The following PWWP2A variants were observed in gnomAD, a reference collection of about 807,000 sequenced individuals.
PWWP2A encodes PWWP domain-containing protein 2A.
A neutral mutation model predicts 48.5 loss-of-function variants in PWWP2A; 18 were observed. The ratio of observed to expected loss-of-function variants is 0.37; its 90% CI spans 0.26 to 0.55. The LOEUF is 0.55. Ranked by LOEUF, PWWP2A falls within the 20% of genes least tolerant of loss-of-function variation. The pLI, the probability that PWWP2A is intolerant of heterozygous loss-of-function variation, is 0.81. For missense variants in PWWP2A, 867 were observed against 976.4 expected (o/e 0.89, Z 1.49); for synonymous variants, 396 against 387.7 (o/e 1.02, Z -0.25).
Position 160,093,310 on chromosome 5 carries a change from G to C in PWWP2A, c.1340C>G (p.Ser447Cys). Residue 447 changes from serine (S) to cysteine (C), a missense_variant, in exon 2 of 2, where the codon TCT (serine) becomes TGT (cysteine). This residue lies in a region of PWWP2A where 382 missense variants were observed against 407.2 expected (regional missense o/e 0.94). Transcript: ENST00000307063. This position sits in a 1 kb window ranked among gnomAD's most constrained non-coding sequence, Gnocchi z 5.8. ...TTTTGAATGTGCATTTTTGGAAGTA[G>C]AGGTTTCATTTTGCTTCTTTTGTGC... ...EKAQKKQNET[S>C]TSKNAHSKVH... 6.2e-7 allele frequency: 1 copy of C among 1,613,892 alleles called. No homozygotes were observed. Among genetic ancestry groups the C allele is most frequent in the Non-Finnish European group, 8.5e-7 (1 of 1,179,832 alleles).
intron 1 of PWWP2A, among the ~76,000 whole-genome samples, chr5:160,106,944 C>T (rs1263997129): frequency 6.6e-6 from 1 of 151,724 alleles, no homozygotes; most frequent in Non-Finnish European, 1.5e-5. Context: ...ATGTCTCAGC[C>T]TCCCAAGTAG....
chr5:160,082,783 C>T (rs1239502429), intron 2 of PWWP2A, among the ~76,000 whole-genome samples: 2 of 152,044 alleles, frequency 1.3e-5, no homozygotes, highest in Admixed American at 1.3e-4. Flanking sequence ...GCCAGGAGAC[C>T]CAGCTGTGAT....
downstream of PWWP2A, chr5:160,090,180 T>C (rs900002743): frequency 4.1e-6 from 4 of 985,042 alleles, no homozygotes; most frequent in Non-Finnish European, 4.8e-6. Context: ...GTTTTTTTTT[T>C]CTTCTCTTTC....
At chr5:160,116,426 A>T (rs968857294) in intron 1 of PWWP2A, among the ~76,000 whole-genome samples, 1 of 152,174 alleles carries the variant, frequency 6.6e-6, no homozygotes, top group African/African-American at 2.4e-5. Flanking sequence ...ACTGCACTCC[A>T]GCCTGTGCGG....
chr5:160,100,103 C>A (rs554344381), intron 1 of PWWP2A, among the ~76,000 whole-genome samples: 1 of 151,616 alleles, frequency 6.6e-6, no homozygotes, highest in South Asian at 2.1e-4. Flanking sequence ...GAGTTCGAGA[C>A]CAGCCTGGCT....
intron 2 of PWWP2A, among the ~76,000 whole-genome samples, chr5:160,070,306 C>CA (rs760169229): frequency 1.6e-4 from 25 of 151,904 alleles, no homozygotes; most frequent in Non-Finnish European, 2.6e-4. Flanking sequence ...CCATCTCTAC[C>CA]AAAAAATGTT....
At chr5:160,110,663 G>A (rs1019721909) in intron 1 of PWWP2A, among the ~76,000 whole-genome samples, 1 of 151,942 alleles carries the variant, frequency 6.6e-6, no homozygotes, top group African/African-American at 2.4e-5. Flanking sequence ...CCGACATCAT[G>A]CCATTGCACT....
At chr5:160,081,928 A>G (rs1348594563) in intron 2 of PWWP2A, among the ~76,000 whole-genome samples, 2 of 152,364 alleles carry the variant, frequency 1.3e-5, no homozygotes, top group Non-Finnish European at 2.9e-5. Context: ...GCAGCAGTAT[A>G]TAATGAAAAC....
chr5:160,066,744 T>C (rs1039666045), intron 3 of PWWP2A: 2 of 152,138 alleles, frequency 1.3e-5, no homozygotes, highest in African/African-American at 4.8e-5. Context: ...CTATAAATAC[T>C]TTTATGTCAG....
At chr5:160,094,104 T>A in intron 1 of PWWP2A, 39 bp from the exon 2 acceptor site, 1 of 1,514,340 alleles carries the variant, frequency 6.6e-7, no homozygotes, top group African/African-American at 1.4e-5. Context: ...GACATTAAGT[T>A]AACATCTATA....
At chr5:160,117,619 T>C (rs1758275159) in intron 1 of PWWP2A, among the ~76,000 whole-genome samples, 1 of 150,654 alleles carries the variant, frequency 6.6e-6, no homozygotes, top group Non-Finnish European at 1.5e-5. Context: ...ATGGCGCCAC[T>C]GCACTCCAGC....
chr5:160,080,833 T>C, intron 2 of PWWP2A: 7 of 1,436,778 alleles, frequency 4.9e-6, no homozygotes, highest in Non-Finnish European at 6.5e-6. Context: ...CCATCCATTT[T>C]ACCAAAAAAA....
intron 4 of PWWP2A, chr5:160,065,250 T>A (rs1753571367): frequency 1.2e-6 from 1 of 864,216 alleles, no homozygotes; most frequent in East Asian, 2.7e-5. Context: ...CCTGATGTAA[T>A]GAACCTAATT....
At chr5:160,051,285 C>A in the PWWP2A span, 1 of 922,978 alleles carries the variant, frequency 1.1e-6, no homozygotes, top group Non-Finnish European at 1.6e-6. Context: ...AAGTTTCGGA[C>A]TCTACCACAA....
At chr5:160,076,825 T>A (rs1370932404) in exon 4 of PWWP2A, 1 of 152,212 alleles carries the variant, frequency 6.6e-6, no homozygotes. Context: ...TTGCTTCATA[T>A]GAATTTTAAG....
rs2113708534 is a variant in PWWP2A, at chr5:160,119,349, ACGCTGCAGTCGCTGCCGC to A, written c.22_39del (p.Ala8_Ala13del). On this transcript the variant is annotated inframe_deletion, in exon 1 of 2. Transcript: ENST00000307063. The stretch of plus-strand genomic sequence containing the variant: ...TCGCCGGCGCCCCCCTCCCCGGGGG[ACGCTGCAGTCGCTGCCGC>A]CTCTGCAGCCACGGCCGCCATTTTC... The A allele has an allele frequency of 7.2e-7, 1 of 1,379,344 alleles. No homozygotes were observed. Among genetic ancestry groups the A allele is most frequent in the East Asian group, 3.1e-5 (1 of 32,334 alleles). The allele number at this position is 1,379,344 out of a possible 1,614,324, so 85.4% of individuals were successfully genotyped here.
chr5:160,108,584 T>C, intron 1 of PWWP2A: 1 of 1,287,576 alleles, frequency 7.8e-7, no homozygotes, highest in Non-Finnish European at 1.0e-6. Flanking sequence ...CCACCAAAAG[T>C]AGGGCTATTG....
exon 4 of PWWP2A, chr5:160,075,985 G>A (rs1409674134): frequency 6.6e-6 from 1 of 151,854 alleles, no homozygotes; most frequent in Non-Finnish European, 1.5e-5. Flanking sequence ...TATCATTCAA[G>A]TCTACAAAAC....
chr5:160,108,127 A>AT (rs146681186), intron 1 of PWWP2A, among the ~76,000 whole-genome samples: 50 of 148,328 alleles, frequency 3.4e-4, no homozygotes, highest in African/African-American at 1.1e-3. Flanking sequence ...TTACAGGATT[A>AT]TTTTTTTTTT....
Sources: gnomAD v4.1 joint callset for allele counts (sites outside exome capture counted in the v4.1 genomes callset) on GRCh38, gnomAD v4.1.1 for gene constraint, gnomAD v4.1.1 regional missense constraint, Gnocchi (gnomAD v3.1) non-coding constraint, MANE v1.5 for transcripts, NCBI Gene and HGNC (gene_info 2026-07-23, HGNC 2026-07-21) for gene names.